Variants in NEGR1 observed in about 807,000 individuals in gnomAD.
NEGR1 encodes the protein neuronal growth regulator 1.
In NEGR1, 10 loss-of-function variants were observed where a neutral mutation model predicts 40.9. The ratio of observed to expected loss-of-function variants is 0.24; its 90% CI spans 0.15 to 0.42. The LOEUF is 0.42. Ranked by LOEUF, NEGR1 falls within the 10% of genes least tolerant of loss-of-function variation. The pLI, the probability that NEGR1 is intolerant of heterozygous loss-of-function variation, is 1.00. For missense variants in NEGR1, 352 were observed against 438.9 expected, an observed-to-expected ratio of 0.80 and a Z score of 1.77; for synonymous variants, 185 against 166.8, an observed-to-expected ratio of 1.11 and a Z score of -0.84.
intron 3 of NEGR1, among the ~76,000 whole-genome samples, chr1:71,717,900 A>G (rs1036812579): frequency 6.6e-6 from 1 of 152,176 alleles, no homozygotes; most frequent in Non-Finnish European, 1.5e-5. Context: ...ACAGCTATCT[A>G]CAAGTCAAGG....
intron 1 of NEGR1, among the ~76,000 whole-genome samples, chr1:72,159,066 A>G (rs1304039325): frequency 1.3e-5 from 2 of 152,292 alleles, no homozygotes; most frequent in East Asian, 3.9e-4. Context: ...AAATTTGTGT[A>G]CTAGATCCTA....
At chr1:71,975,432 T>C (rs1468960213) in intron 1 of NEGR1, among the ~76,000 whole-genome samples, 1 of 152,150 alleles carries the variant, frequency 6.6e-6, no homozygotes, top group Non-Finnish European at 1.5e-5. Context: ...AAGGACATGA[T>C]AGGAGGAGAA....
At chr1:72,201,726 C>T (rs919887267) in intron 1 of NEGR1, among the ~76,000 whole-genome samples, 5 of 151,666 alleles carry the variant, frequency 3.3e-5, no homozygotes, top group Admixed American at 3.3e-4. Flanking sequence ...GTGATTTTAC[C>T]AAACAGATGT....
intron 4 of NEGR1, among the ~76,000 whole-genome samples, chr1:71,682,867 C>CCT (rs1652887101): frequency 6.6e-6 from 1 of 152,136 alleles, no homozygotes; most frequent in African/African-American, 2.4e-5. Flanking sequence ...GCACCTCCTT[C>CCT]CTCTCTCTTG....
intron 1 of NEGR1, among the ~76,000 whole-genome samples, chr1:72,198,550 CG>C (rs1292054265): frequency 6.6e-6 from 1 of 151,962 alleles, no homozygotes; most frequent in African/African-American, 2.4e-5. Flanking sequence ...TCTTTTTTAA[CG>C]TACAGCCATA....
At chr1:71,929,204 T>C (rs1176578319) in intron 2 of NEGR1, among the ~76,000 whole-genome samples, 1 of 152,136 alleles carries the variant, frequency 6.6e-6, no homozygotes, top group Admixed American at 6.5e-5. Context: ...GGACACCTAC[T>C]CCTAGTTTTT....
intron 4 of NEGR1, among the ~76,000 whole-genome samples, chr1:71,624,470 T>G (rs1411515201): frequency 6.6e-6 from 1 of 151,992 alleles, no homozygotes. Context: ...CCTCACTTTT[T>G]CAGAATAAGA....
At chr1:71,742,852 A>C (rs1002439542) in intron 3 of NEGR1, among the ~76,000 whole-genome samples, 3 of 152,222 alleles carry the variant, frequency 2.0e-5, no homozygotes, top group Non-Finnish European at 4.4e-5. Flanking sequence ...GTGGGAGGTC[A>C]GAGGCCAGAT....
chr1:71,575,711 A>T (rs1042735756), intron 6 of NEGR1, among the ~76,000 whole-genome samples: 1 of 152,146 alleles, frequency 6.6e-6, no homozygotes, highest in Middle Eastern at 3.2e-3. Flanking sequence ...TGAACCCGGG[A>T]GGCAGAGGTT....
chr1:71,411,956 G>A (rs770717799), intron 6 of NEGR1, among the ~76,000 whole-genome samples: 6 of 151,926 alleles, frequency 3.9e-5, no homozygotes, highest in South Asian at 2.1e-4. Context: ...AGCCGAGATC[G>A]CGCCACTGCA....
chr1:72,212,321 T>C (rs1653640272), intron 1 of NEGR1, among the ~76,000 whole-genome samples: 2 of 151,988 alleles, frequency 1.3e-5, no homozygotes, highest in African/African-American at 4.8e-5. Context: ...TGCTTTGTAA[T>C]CATTTTTTCT....
intron 1 of NEGR1, among the ~76,000 whole-genome samples, chr1:72,174,068 A>G (rs1652070303): frequency 6.6e-6 from 1 of 152,078 alleles, no homozygotes; most frequent in Non-Finnish European, 1.5e-5. Flanking sequence ...TCTAACATGG[A>G]CATCCCAATC....
intron 1 of NEGR1, among the ~76,000 whole-genome samples, chr1:72,279,136 GTCA>G (rs1364303108): frequency 6.6e-6 from 1 of 152,112 alleles, no homozygotes; most frequent in Non-Finnish European, 1.5e-5. Flanking sequence ...TAAGTGGAAT[GTCA>G]TCATAAATCC....
At chr1:72,257,195 G>A (rs867695433) in intron 1 of NEGR1, among the ~76,000 whole-genome samples, 5 of 150,604 alleles carry the variant, frequency 3.3e-5, no homozygotes, top group African/African-American at 7.3e-5. Context: ...AGTGGCGGGC[G>A]CCTGTAGTCC....
intron 1 of NEGR1, among the ~76,000 whole-genome samples, chr1:72,041,731 C>G (rs1440166996): frequency 1.3e-5 from 2 of 148,240 alleles, no homozygotes; most frequent in East Asian, 2.0e-4. Context: ...TATATACACA[C>G]ACATATATAT....
chr1:71,805,047 G>C (rs753491859), intron 2 of NEGR1, among the ~76,000 whole-genome samples: 7 of 152,142 alleles, frequency 4.6e-5, no homozygotes, highest in Admixed American at 2.6e-4. Context: ...TACAGTCGCA[G>C]CTGTAGGGAT....
At chr1:71,678,677 G>C (rs1358444745) in intron 4 of NEGR1, among the ~76,000 whole-genome samples, 2 of 151,924 alleles carry the variant, frequency 1.3e-5, no homozygotes, top group Non-Finnish European at 2.9e-5. Context: ...TGTCTTATTT[G>C]TTCAACATTT....
At chr1:71,435,047 C>T (rs569599363) in intron 6 of NEGR1, among the ~76,000 whole-genome samples, 8 of 151,322 alleles carry the variant, frequency 5.3e-5, no homozygotes, top group South Asian at 2.1e-4. Context: ...GCCGAGATTG[C>T]GCCAATGCAC....
At chr1:71,896,302 G>A (rs1456087397) in intron 2 of NEGR1, among the ~76,000 whole-genome samples, 1 of 151,852 alleles carries the variant, frequency 6.6e-6, no homozygotes, top group Non-Finnish European at 1.5e-5. Flanking sequence ...CCTCCCAAAT[G>A]TGTTTAACAT....
Sources: gnomAD v4.1 joint callset for allele counts (sites outside exome capture counted in the v4.1 genomes callset) on GRCh38, gnomAD v4.1.1 for gene constraint, MANE v1.5 for transcripts, NCBI Gene and HGNC (gene_info 2026-07-23, HGNC 2026-07-21) for gene names.